GRM8: variants seen among roughly 807,000 people sequenced by gnomAD.
GRM8 encodes glutamate metabotropic receptor 8.
GRM8 carries 47 observed loss-of-function variants against 87.2 expected under a neutral mutation model. The observed-to-expected ratio is 0.54, with a 90% confidence interval of 0.43 to 0.69. GRM8 has a LOEUF of 0.69. Among genes scored for constraint, GRM8 ranks in the 30% least tolerant of loss-of-function variants. The probability of loss-of-function intolerance (pLI) is 0.00; values close to 1 mark genes in which losing one functional copy is unlikely to be tolerated. For missense variants in GRM8, 1,019 were observed against 1,139.2 expected (o/e 0.89, Z 1.52); for synonymous variants, 396 against 404.5 (o/e 0.98, Z 0.25).
At chr7:126,714,477 G>C (rs1811504815) in intron 7 of GRM8, among the ~76,000 whole-genome samples, 1 of 151,976 alleles carries the variant, frequency 6.6e-6, no homozygotes, top group South Asian at 2.1e-4. Flanking sequence ...TTACAGAAAA[G>C]CTGAATAATT....
rs750211713 is a variant in GRM8 at position 126,439,110 on chromosome 7, T to G, written c.*9A>C. ...ACCACATCTCTTCAGATTGTGCCATTTCCCTGTTTCAGATTGAATGATTGC... is the reference window on the plus strand; with the variant it reads ...ACCACATCTCTTCAGATTGTGCCATGTCCCTGTTTCAGATTGAATGATTGC... On this transcript the variant is annotated 3_prime_UTR_variant, in exon 11 of 11. Coordinates refer to ENST00000339582, the MANE Select transcript of GRM8 (RefSeq NM_000845.3). 2 of 1,541,230 alleles carry G rather than the reference T, an allele frequency of 1.3e-6. No individual in the cohort carries two copies. Among genetic ancestry groups the G allele is most frequent in the Non-Finnish European group, 1.8e-6 (2 of 1,113,984 alleles).
At chr7:126,731,289 A>G (rs1372187230) in intron 7 of GRM8, among the ~76,000 whole-genome samples, 1 of 152,120 alleles carries the variant, frequency 6.6e-6, no homozygotes, top group Admixed American at 6.6e-5. Flanking sequence ...TATCCTGAGC[A>G]CTTCCTGTGT....
At position 126,611,592 on chromosome 7, in the gene GRM8, T is replaced by C. The variant is rs183879254; in HGVS notation, c.1358-2094A>G. Among the ~76,000 whole-genome samples, 97 of 152,348 alleles carry C rather than the reference T, an allele frequency of 6.4e-4. 1 individual carries two copies. The highest frequency in any genetic ancestry group is 1.2e-3 in the Non-Finnish European group (82 of 68,028). On this transcript the variant is annotated intron_variant, in intron 7 of 10. Coordinates refer to ENST00000339582, the MANE Select transcript of GRM8 (RefSeq NM_000845.3). ...GACATTTATATATCACTTTGAAATA[T>C]TTTAATTACATATTCTCTCCTCAAT...
At chr7:126,859,572 C>T (rs377526374) in intron 6 of GRM8, among the ~76,000 whole-genome samples, 2 of 152,138 alleles carry the variant, frequency 1.3e-5, no homozygotes, top group South Asian at 4.1e-4. Context: ...AAGGATGTAC[C>T]ATTCATGTTT....
In GRM8 at chr7:127,171,470, G is replaced by A. The variant is rs1793798036; in HGVS notation, c.511-64758C>T. ...ATATTTTATGAAAGAGTTAATTGAT[G>A]GGGCAAACGTCATTGTTGCCTTATT... On this transcript the variant is annotated intron_variant, in intron 2 of 10. Coordinates refer to ENST00000339582, the MANE Select transcript of GRM8 (RefSeq NM_000845.3). Among the ~76,000 whole-genome samples the A allele has an allele frequency of 1.3e-5, 2 of 152,166 alleles. 1 individual carries two copies. Among genetic ancestry groups the A allele is most frequent in the South Asian group, 4.1e-4 (2 of 4,826 alleles).
intron 8 of GRM8, among the ~76,000 whole-genome samples, chr7:126,538,230 G>T (rs958623512): frequency 1.4e-4 from 22 of 152,184 alleles, no homozygotes; most frequent in Non-Finnish European, 2.1e-4. Context: ...AAGTTTCCGG[G>T]TGAGTGTGCT....
chr7:126,453,968 ATGGTAACTTT>A (rs920731907), intron 9 of GRM8, among the ~76,000 whole-genome samples: 3 of 151,658 alleles, frequency 2.0e-5, no homozygotes, highest in Admixed American at 6.6e-5. Flanking sequence ...TTCTGCTTCC[ATGGTAACTTT>A]TGGCCCTTTA....
intron 6 of GRM8, among the ~76,000 whole-genome samples, chr7:126,860,007 T>C (rs1199038832): frequency 6.6e-6 from 1 of 152,160 alleles, no homozygotes; most frequent in African/African-American, 2.4e-5. Context: ...CTCATATTTA[T>C]TTATTTATTA....
At chr7:126,593,111 G>A (rs1041295390) in intron 8 of GRM8, among the ~76,000 whole-genome samples, 1 of 151,862 alleles carries the variant, frequency 6.6e-6, no homozygotes, top group African/African-American at 2.4e-5. Context: ...AATTTGAAAG[G>A]ATAGAAATAA....
intron 3 of GRM8, among the ~76,000 whole-genome samples, chr7:127,023,913 A>G (rs1816517937): frequency 6.6e-6 from 1 of 152,140 alleles, no homozygotes; most frequent in African/African-American, 2.4e-5. Flanking sequence ...GGCATTTTAG[A>G]AAATGATCAG....
intron 6 of GRM8, among the ~76,000 whole-genome samples, chr7:126,871,513 TGTGTGC>T (rs1344374309): frequency 6.6e-6 from 1 of 152,194 alleles, no homozygotes; most frequent in South Asian, 2.1e-4. Context: ...ATACATTGTA[TGTGTGC>T]ACTGGTTCAG....
chr7:127,198,494 T>C (rs1795411139), intron 2 of GRM8, among the ~76,000 whole-genome samples: 1 of 152,174 alleles, frequency 6.6e-6, no homozygotes, highest in Non-Finnish European at 1.5e-5. Flanking sequence ...ATGGGCTAAT[T>C]CTTATAAAGC....
intron 8 of GRM8, among the ~76,000 whole-genome samples, chr7:126,587,764 G>T (rs1465284573): frequency 6.6e-6 from 1 of 151,740 alleles, no homozygotes; most frequent in Non-Finnish European, 1.5e-5. Context: ...CATGGCACAT[G>T]TATACATATA....
At chr7:127,250,865 T>C (rs1255678282) in intron 1 of GRM8, 1 of 152,216 alleles carries the variant, frequency 6.6e-6, no homozygotes, top group Non-Finnish European at 1.5e-5. Context: ...GTGGCTCTTT[T>C]TCTCTATTTT....
rs187865602 is a variant in GRM8, at chr7:126,568,667, C to G, written c.1495-34780G>C. 2.5e-4 allele frequency among the ~76,000 whole-genome samples: 38 copies of G among 152,076 alleles called. No homozygotes were observed. The East Asian group carries it at 6.6e-3, about 26-fold the overall frequency. On this transcript the variant is annotated intron_variant, in intron 8 of 10. Transcript: ENST00000339582. Reference sequence around the variant, plus strand: ...AAGTACTACAAAAATTTATGTTGTCCTTCATTTTCATTATAAATGACCACA... The same window carrying G: ...AAGTACTACAAAAATTTATGTTGTCGTTCATTTTCATTATAAATGACCACA...
chr7:126,945,695 G>A (rs1204558), intron 3 of GRM8, among the ~76,000 whole-genome samples: 116,684 of 152,116 alleles, frequency 0.77, 45,109 homozygotes, highest in East Asian at 0.97. Context: ...GAAATCCAAA[G>A]CACTTCTGGT....
chr7:126,492,991 C>T (rs1038312332), intron 9 of GRM8, among the ~76,000 whole-genome samples: 4 of 151,996 alleles, frequency 2.6e-5, no homozygotes, highest in Non-Finnish European at 5.9e-5. Context: ...GGGAAGAAAG[C>T]ATTGGGAAAG....
chr7:126,927,608 A>G (rs1805276955), intron 3 of GRM8, among the ~76,000 whole-genome samples: 1 of 152,248 alleles, frequency 6.6e-6, no homozygotes, highest in African/African-American at 2.4e-5. Flanking sequence ...CAACAAGCAT[A>G]TGAAAAAAAG....
intron 6 of GRM8, among the ~76,000 whole-genome samples, chr7:126,827,412 C>G (rs1794924899): frequency 6.6e-6 from 1 of 152,088 alleles, no homozygotes; most frequent in Non-Finnish European, 1.5e-5. Flanking sequence ...TGTAGTTCTC[C>G]TTGAAGAGGT....
Sources: allele counts gnomAD v4.1 joint callset (sites outside exome capture counted in the v4.1 genomes callset), GRCh38; gene constraint gnomAD v4.1.1; transcripts MANE v1.5; gene names NCBI Gene and HGNC (gene_info 2026-07-23, HGNC 2026-07-21).